ASPM: variants seen among roughly 807,000 people sequenced by gnomAD.
The protein encoded by ASPM is abnormal spindle-like microcephaly-associated protein.
In ASPM, 256 loss-of-function variants were observed where a neutral mutation model predicts 366.4. That is an observed-to-expected ratio of 0.70 (90% CI 0.63 to 0.77). The LOEUF (loss-of-function observed/expected upper bound fraction) is 0.77. Ranked by LOEUF, ASPM falls within the 30% of genes least tolerant of loss-of-function variation. The pLI, the probability that ASPM is intolerant of heterozygous loss-of-function variation, is 0.00. For synonymous variants in ASPM, 1,414 were observed against 1,342.9 expected, an observed-to-expected ratio of 1.05 and a Z score of -1.16; for missense variants, 4,146 against 4,090.4, an observed-to-expected ratio of 1.01 and a Z score of -0.37.
chr1:197,141,049 A>T (rs1037281477), intron 3 of ASPM, among the ~76,000 whole-genome samples: 2 of 152,192 alleles, frequency 1.3e-5, no homozygotes, highest in Non-Finnish European at 2.9e-5. Flanking sequence ...ACAACAAAAT[A>T]TACTGCTACT....
chr1:197,128,430 G>C, intron 10 of ASPM, 60 bp downstream of exon 10: 2 of 1,497,242 alleles, frequency 1.3e-6, no homozygotes, highest in Non-Finnish European at 1.9e-6. Context: ...CAAAAAAAGT[G>C]TTTTCCAGAA....
chr1:197,089,806 G>A (rs1656717710), intron 25 of ASPM, 124 bp downstream of exon 25: 2 of 906,404 alleles, frequency 2.2e-6, no homozygotes, highest in East Asian at 4.9e-5. Context: ...TTCATCCTAA[G>A]ACTCTTGCAC....
intron 4 of ASPM, chr1:197,138,662 C>T (rs796778945): frequency 5.5e-6 from 3 of 548,132 alleles, no homozygotes; most frequent in Non-Finnish European, 9.8e-6. Context: ...ATAAGAACTT[C>T]AATCAGATTT....
chr1:197,096,491 C>G lies in ASPM; in HGVS notation c.8821-327G>C, dbSNP rs531820496. On this transcript the variant is annotated intron_variant, in intron 18 of 27. Transcript: ENST00000367409. Reference sequence around the variant, plus strand: ...ACATTATGTAAATTATCCTCATCACCTCAATCCATTTGGAAGAAAAGAAAA... The same window carrying G: ...ACATTATGTAAATTATCCTCATCACGTCAATCCATTTGGAAGAAAAGAAAA... Among the ~76,000 whole-genome samples the G allele has an allele frequency of 4.0e-5, 6 of 151,852 alleles. No individual in the cohort carries two copies. In the South Asian group the frequency reaches 1.2e-3, roughly 31 times the overall value.
rs1243117687 is a variant in ASPM at position 197,102,317 on chromosome 1, G to C, written c.6934C>G (p.Gln2312Glu). ...GACTGGATTTTAATAACTGCATTTTGTACCTGAAGGAACTGTAAGTGATGC... is the reference window on the plus strand; with the variant it reads ...GACTGGATTTTAATAACTGCATTTTCTACCTGAAGGAACTGTAAGTGATGC... The part of the protein sequence containing the change: ...TKHHLQFLQV[Q>E]NAVIKIQSSY... Residue 2312 changes from glutamine (Q) to glutamate (E), a missense_variant, in exon 18 of 28, where the codon CAA (glutamine) becomes GAA (glutamate). Transcript: ENST00000367409. The C allele has an allele frequency of 6.2e-7, 1 of 1,612,496 alleles. No individual in the cohort carries two copies. The highest frequency in any genetic ancestry group is 8.5e-7 in the Non-Finnish European group (1 of 1,179,218).
rs542267332 is a variant in ASPM at position 197,131,222 on chromosome 1, G to A, written c.2487+1063C>T. 9.6e-4 allele frequency among the ~76,000 whole-genome samples: 146 copies of A among 152,028 alleles called. 2 individuals are homozygous for A. In the South Asian group the frequency reaches 0.012, roughly 12 times the overall value. On this transcript the variant is annotated intron_variant, in intron 7 of 27. Coordinates refer to ENST00000367409, the MANE Select transcript of ASPM (RefSeq NM_018136.5). The stretch of plus-strand genomic sequence containing the variant: ...CCAGATTATTACAAAGATCCTGTTC[G>A]GTCCCAAAGACTCTTCTATTCCAAA...
intron 3 of ASPM, among the ~76,000 whole-genome samples, chr1:197,140,098 A>AT (rs1259869742): frequency 6.6e-6 from 1 of 152,254 alleles, no homozygotes; most frequent in Non-Finnish European, 1.5e-5. Context: ...TACAGAGGCT[A>AT]AAGTCTAGAT....
At chr1:197,097,750 A>G (rs977758934) in intron 18 of ASPM, among the ~76,000 whole-genome samples, 1 of 151,716 alleles carries the variant, frequency 6.6e-6, no homozygotes, top group Non-Finnish European at 1.5e-5. Flanking sequence ...ACAGTAAAAG[A>G]CTGGTTAATG....
At chr1:197,134,958 T>A in intron 5 of ASPM, 138 bp downstream of exon 5, 1 of 717,682 alleles carries the variant, frequency 1.4e-6, no homozygotes, top group Non-Finnish European at 2.3e-6. Flanking sequence ...TTCTTACCTA[T>A]ACAAGCATTT....
At chr1:197,146,043 G>T in intron 1 of ASPM, 98 bp downstream of exon 1, 1 of 1,487,460 alleles carries the variant, frequency 6.7e-7, no homozygotes, top group Non-Finnish European at 9.4e-7. Flanking sequence ...GGTCTTTTCT[G>T]ATTTCTTCTC....
chr1:197,145,618 G>C (rs184300384), intron 1 of ASPM, among the ~76,000 whole-genome samples: 1 of 152,032 alleles, frequency 6.6e-6, no homozygotes, highest in African/African-American at 2.4e-5. Context: ...AAAAAAAGCT[G>C]CTTTAACCAA....
chr1:197,096,175 C>T lies in ASPM; in HGVS notation c.8821-11G>A, dbSNP rs575748460. On this transcript the variant is annotated splice_polypyrimidine_tract_variant and intron_variant, in intron 18 of 27. Transcript: ENST00000367409. ...TCTCCTCCACATAGCCTATTAAATA[C>T]ATAAATATAACAAGTATGCAATGAG... 57 of 1,576,840 alleles carry T rather than the reference C, an allele frequency of 3.6e-5. No individual in the cohort carries two copies. The highest frequency in any genetic ancestry group is 1.6e-4 in the African/African-American group (12 of 73,976).
chr1:197,088,425 T>G lies in ASPM; in HGVS notation c.9992A>C (p.Lys3331Thr). The G allele has an allele frequency of 3.1e-6, 5 of 1,597,148 alleles. No individual in the cohort carries two copies. The highest frequency in any genetic ancestry group is 4.3e-6 in the Non-Finnish European group (5 of 1,166,728). ...QVLLNVSKYEKTTSAVYDVEN... is the reference protein window; with the variant it reads ...QVLLNVSKYETTTSAVYDVEN... ...TACATCATAAACTGCTGAAGTAGTT[T>G]TCTCATACTTGAAGAGAACAGAATG... Residue 3331 changes from lysine to threonine, a missense_variant, in exon 26 of 28, where the codon AAA (lysine) becomes ACA (threonine). Physicochemically the swap from Lys to Thr is moderately conservative, Grantham distance 78. This residue lies in a region of ASPM where 3,624 missense variants were observed against 3,591.7 expected (regional missense o/e 1.01). Transcript: ENST00000367409.
At position 197,100,575 on chromosome 1, in the gene ASPM, G is replaced by A; in HGVS notation, c.8676C>T (p.His2892=). 1 of 1,611,912 alleles carries A rather than the reference G, an allele frequency of 6.2e-7. No homozygotes were observed. Among genetic ancestry groups the A allele is most frequent in the Non-Finnish European group, 8.5e-7 (1 of 1,178,798 alleles). Residue 2892 remains histidine, a synonymous_variant, in exon 18 of 28, where the codon CAC becomes CAT. Coordinates refer to ENST00000367409, the MANE Select transcript of ASPM (RefSeq NM_018136.5). ...YRKAAVVLQN[H]YRAFLSAKHQ... ...GTTTTGCAGACAGAAATGCTCTGTAGTGATTTTGTAAAACCACTGCTGCTT... is the reference window on the plus strand; with the variant it reads ...GTTTTGCAGACAGAAATGCTCTGTAATGATTTTGTAAAACCACTGCTGCTT...
intron 4 of ASPM, chr1:197,139,322 C>T (rs959314027): frequency 6.8e-5 from 50 of 734,088 alleles, no homozygotes; most frequent in Admixed American, 5.8e-4. Flanking sequence ...TTTGGCCGGG[C>T]GCGGTGGCTC....
Position 197,102,071 on chromosome 1 carries a change from C to G in ASPM, c.7180G>C (p.Ala2394Pro). The change falls in exon 18 of 28, where the codon GCA (alanine) becomes CCA (proline). Residue 2394 changes from alanine to proline, a missense_variant. By Grantham distance (27) the Ala-to-Pro change is conservative. Coordinates refer to ENST00000367409, the MANE Select transcript of ASPM (RefSeq NM_018136.5). The stretch of plus-strand genomic sequence containing the variant: ...CTTCTAGTTTTCATACCCCTGAATG[C>G]AGCCTGAAGGATCACAGCAGAGTGT... ...QRHSAVILQA[A>P]FRGMKTRRHL... 2 of 1,612,980 alleles carry G rather than the reference C, an allele frequency of 1.2e-6. No homozygotes were observed. Among genetic ancestry groups the G allele is most frequent in the Non-Finnish European group, 1.7e-6 (2 of 1,179,302 alleles).
chr1:197,090,420 T>C, intron 23 of ASPM, 32 bp from the exon 24 acceptor site: 2 of 1,497,166 alleles, frequency 1.3e-6, no homozygotes, highest in Non-Finnish European at 1.8e-6. Flanking sequence ...AATTTTAAGA[T>C]TATAGCCAAT....
At position 197,103,955 on chromosome 1, in the gene ASPM, T is replaced by C. The variant is rs774240839; in HGVS notation, c.5296A>G (p.Lys1766Glu). 29 of 1,612,472 alleles carry C rather than the reference T, an allele frequency of 1.8e-5. No homozygotes were observed. In the African/African-American group the frequency reaches 3.5e-4, roughly 19 times the overall value. Residue 1766 changes from lysine to glutamate, a missense_variant, in exon 18 of 28, where the codon AAG (lysine) becomes GAG (glutamate). This residue lies in a region of ASPM where 3,624 missense variants were observed against 3,591.7 expected (regional missense o/e 1.01). Transcript: ENST00000367409. The stretch of plus-strand genomic sequence containing the variant: ...ATTTTCAGATAATACTGCCGAGCCT[T>C]TCTCATTCTGAAATAAGACTGTAGT... Reference protein sequence around the residue: ...ISLQSYFRMRKARQYYLKMYK... With the variant: ...ISLQSYFRMREARQYYLKMYK...
chr1:197,121,262 T>C (rs1192710620), intron 16 of ASPM, among the ~76,000 whole-genome samples: 5 of 152,146 alleles, frequency 3.3e-5, no homozygotes, highest in South Asian at 2.1e-4. Context: ...AAAATAACAA[T>C]TTTCTCAGAA....
Sources: gnomAD v4.1 joint callset for allele counts (sites outside exome capture counted in the v4.1 genomes callset) on GRCh38, gnomAD v4.1.1 for gene constraint, gnomAD v4.1.1 regional missense constraint, MANE v1.5 for transcripts, NCBI Gene and HGNC (gene_info 2026-07-23, HGNC 2026-07-21) for gene names.